Variants in KDM4B observed in about 807,000 individuals in gnomAD.
The protein encoded by KDM4B is lysine-specific demethylase 4B.
KDM4B carries 32 observed loss-of-function variants against 125.2 expected under a neutral mutation model. That is an observed-to-expected ratio of 0.26 (90% confidence interval 0.19 to 0.34). KDM4B has a LOEUF of 0.34. Ranked by LOEUF, KDM4B falls within the 10% of genes least tolerant of loss-of-function variation. KDM4B has a pLI of 1.00. For missense variants in KDM4B, 1,190 were observed against 1,577.7 expected (o/e 0.75, Z 4.16); for synonymous variants, 721 against 677.9 (o/e 1.06, Z -0.99).
intron 2 of KDM4B, among the ~76,000 whole-genome samples, chr19:5,022,407 G>A (rs1405488899): frequency 2.0e-5 from 3 of 152,142 alleles, no homozygotes; most frequent in African/African-American, 4.8e-5. Flanking sequence ...CTCACATCTC[G>A]TGGCTTCATC....
intron 1 of KDM4B, among the ~76,000 whole-genome samples, chr19:5,014,787 A>G (rs1479750613): frequency 6.6e-6 from 1 of 151,962 alleles, no homozygotes; most frequent in Non-Finnish European, 1.5e-5. Flanking sequence ...CAAGGTTAGG[A>G]GTTCGAGACC....
chr19:5,037,797 C>T (rs1000421812), intron 3 of KDM4B, among the ~76,000 whole-genome samples: 1 of 152,208 alleles, frequency 6.6e-6, no homozygotes, highest in Admixed American at 6.5e-5. Flanking sequence ...GCCAGGTGTC[C>T]CCTGGGGGAC....
intron 21 of KDM4B, 141 bp downstream of exon 21, chr19:5,145,043 G>A: frequency 9.3e-7 from 1 of 1,078,162 alleles, no homozygotes; most frequent in East Asian, 2.7e-5. Flanking sequence ...GAGGCCCGCA[G>A]GACCCAGCTG....
At chr19:4,974,928 T>C (rs1228684766) in intron 1 of KDM4B, among the ~76,000 whole-genome samples, 2 of 152,004 alleles carry the variant, frequency 1.3e-5, no homozygotes, top group Non-Finnish European at 2.9e-5. Flanking sequence ...CCTTTCTTCC[T>C]CCTGCACCTG....
At chr19:5,090,582 T>C (rs981180781) in intron 9 of KDM4B, among the ~76,000 whole-genome samples, 1 of 29,062 alleles carries the variant, frequency 3.4e-5, no homozygotes, top group Admixed American at 3.6e-4. Context: ...TCTCTCCCCC[T>C]CTCCCCCCTC....
At chr19:5,005,614 A>C (rs2035531912) in intron 1 of KDM4B, among the ~76,000 whole-genome samples, 1 of 152,052 alleles carries the variant, frequency 6.6e-6, no homozygotes, top group Non-Finnish European at 1.5e-5. Flanking sequence ...GCATGTGGAT[A>C]TCAAGCAGTT....
At chr19:5,045,575 T>G (rs868633880) in intron 5 of KDM4B, among the ~76,000 whole-genome samples, 1 of 151,926 alleles carries the variant, frequency 6.6e-6, no homozygotes, top group South Asian at 2.1e-4. Flanking sequence ...TCTTTTTTTT[T>G]TTTTGAGATG....
chr19:5,132,722 C>T (rs974324401), intron 13 of KDM4B, among the ~76,000 whole-genome samples: 18 of 145,016 alleles, frequency 1.2e-4, no homozygotes, highest in African/African-American at 4.6e-4. Context: ...TGGACTCCCC[C>T]ACTCCCCACA....
chr19:5,119,299 GTC>G (rs2039314983), intron 10 of KDM4B: 1 of 1,008,904 alleles, frequency 9.9e-7, no homozygotes, highest in Non-Finnish European at 1.5e-6. Flanking sequence ...CACTCCCTGT[GTC>G]TCTGTCCCGT....
chr19:5,071,916 A>T (rs1010477613), intron 7 of KDM4B, among the ~76,000 whole-genome samples: 2 of 152,134 alleles, frequency 1.3e-5, no homozygotes, highest in Non-Finnish European at 2.9e-5. Context: ...GCTGCTCAAG[A>T]GCTGGCTCCT....
rs1239877476 is a variant in KDM4B at position 5,035,891 on chromosome 19, G to A, written c.141+2860G>A. Among the ~76,000 whole-genome samples the A allele has an allele frequency of 8.3e-6, 1 of 120,850 alleles. No individual in the cohort carries two copies. The highest frequency in any genetic ancestry group is 2.8e-4 in the East Asian group (1 of 3,624). The allele number at this position is 120,850 out of a possible 152,430, so 79.3% of individuals were successfully genotyped here. ...TGTGTGTGTGTGTGTGCGCGCGCGC[G>A]CGCGCCTGCGCGCACAGGAGACTGA... On this transcript the variant is annotated intron_variant, in intron 3 of 22. Coordinates refer to ENST00000159111, the MANE Select transcript of KDM4B (RefSeq NM_015015.3). The surrounding 1 kb of genome is among the most constrained non-coding windows in gnomAD (Gnocchi z 5.3).
At chr19:5,020,516 G>A (rs2036081782) in intron 2 of KDM4B, among the ~76,000 whole-genome samples, 1 of 152,180 alleles carries the variant, frequency 6.6e-6, no homozygotes, top group South Asian at 2.1e-4. Flanking sequence ...CATGAGGGCT[G>A]CCTCTGGTCT....
chr19:5,086,049 C>T (rs1462520960), intron 9 of KDM4B, among the ~76,000 whole-genome samples: 1 of 152,178 alleles, frequency 6.6e-6, no homozygotes, highest in Non-Finnish European at 1.5e-5. Flanking sequence ...CCCAGCTCCC[C>T]TGTCCCATTT....
chr19:5,015,666 A>AT (rs1162333668), intron 1 of KDM4B, among the ~76,000 whole-genome samples: 25 of 152,332 alleles, frequency 1.6e-4, no homozygotes, highest in African/African-American at 5.8e-4. Flanking sequence ...CCTGGACGCT[A>AT]TAGTGAGACC....
chr19:5,033,336 G>T (rs1051501294), intron 3 of KDM4B, among the ~76,000 whole-genome samples: 1 of 152,238 alleles, frequency 6.6e-6, no homozygotes, highest in Non-Finnish European at 1.5e-5. Context: ...CCACCAGGTT[G>T]TTCTGGCCGT....
chr19:5,067,722 G>A (rs887303760), intron 6 of KDM4B, among the ~76,000 whole-genome samples: 7 of 152,180 alleles, frequency 4.6e-5, no homozygotes, highest in Non-Finnish European at 1.0e-4. Flanking sequence ...CTGGACAGAG[G>A]AGGTAGGCTG....
At chr19:5,010,761 C>T (rs978870706) in intron 1 of KDM4B, among the ~76,000 whole-genome samples, 3 of 152,232 alleles carry the variant, frequency 2.0e-5, no homozygotes, top group Admixed American at 6.5e-5. Context: ...AATTCTCCTG[C>T]CTCAGCCTCC....
chr19:5,109,175 T>C (rs1203605452), intron 9 of KDM4B, among the ~76,000 whole-genome samples: 1 of 152,224 alleles, frequency 6.6e-6, no homozygotes, highest in Non-Finnish European at 1.5e-5. Context: ...TCTGTGACAG[T>C]TGGCCAGCCC....
intron 3 of KDM4B, 112 bp downstream of exon 3, chr19:5,033,143 A>G: frequency 7.7e-7 from 1 of 1,300,964 alleles, no homozygotes; most frequent in South Asian, 1.4e-5. Flanking sequence ...TGCACGTGGA[A>G]TGTGTTTCGG....
Sources: gnomAD v4.1 joint callset for allele counts (sites outside exome capture counted in the v4.1 genomes callset) on GRCh38, gnomAD v4.1.1 for gene constraint, Gnocchi (gnomAD v3.1) non-coding constraint, MANE v1.5 for transcripts, NCBI Gene and HGNC (gene_info 2026-07-23, HGNC 2026-07-21) for gene names.